RNF19B: variants seen among roughly 807,000 people sequenced by gnomAD.
RNF19B encodes the protein ring finger protein 19B.
In RNF19B, 23 loss-of-function variants were observed where a neutral mutation model predicts 65.5. That is an observed-to-expected ratio of 0.35 (90% CI 0.25 to 0.50). The LOEUF (loss-of-function observed/expected upper bound fraction) is 0.50. RNF19B is among the 20% of genes least tolerant of loss of function. The pLI, the probability that RNF19B is intolerant of heterozygous loss-of-function variation, is 0.98. For missense variants in RNF19B, 794 were observed against 980.0 expected (o/e 0.81, Z 2.53); for synonymous variants, 372 against 379.6 (o/e 0.98, Z 0.23).
At chr1:32,953,736 G>A (rs1255295176) in intron 1 of RNF19B, among the ~76,000 whole-genome samples, 7 of 151,850 alleles carry the variant, frequency 4.6e-5, no homozygotes, top group Non-Finnish European at 5.9e-5. Context: ...TTGTTATTTT[G>A]CATTAAATGG....
Position 32,945,551 on chromosome 1 carries a change from C to G in RNF19B, c.1224G>C (p.Ser408=). 1.9e-6 allele frequency: 3 copies of G among 1,613,690 alleles called. No individual in the cohort carries two copies. Among genetic ancestry groups the G allele is most frequent in the Non-Finnish European group, 1.7e-6 (2 of 1,179,648 alleles). Residue 408 remains serine, a synonymous_variant, in exon 5 of 9, where the codon TCG becomes TCC. Coordinates refer to ENST00000235150, the MANE Select transcript of RNF19B (RefSeq NM_001300826.2). The stretch of plus-strand genomic sequence containing the variant: ...CAGCAATAACTGGGGATGCAATGAC[C>G]GACAAAGTCACTCCTCCAGTGATAG... ...NLAITGGVTL[S]VIASPVIAAV...
downstream of RNF19B, among the ~76,000 whole-genome samples, chr1:32,933,602 G>T (rs917666922): frequency 7.2e-5 from 11 of 152,112 alleles, no homozygotes; most frequent in Non-Finnish European, 1.6e-4. Flanking sequence ...GCCTCTAGGT[G>T]GTGATGATGG....
intron 6 of RNF19B, 134 bp from the exon 7 acceptor site, chr1:32,942,593 T>C: frequency 1.6e-6 from 1 of 644,924 alleles, no homozygotes; most frequent in Non-Finnish European, 2.6e-6. Flanking sequence ...TCGCCACATA[T>C]CAGGTGTTTT....
chr1:32,935,218 A>G (rs896973730), downstream of RNF19B, among the ~76,000 whole-genome samples: 11 of 151,742 alleles, frequency 7.2e-5, no homozygotes, highest in African/African-American at 2.4e-4. Context: ...GCTCACTGCA[A>G]CCAGCACCTC....
intron 1 of RNF19B, among the ~76,000 whole-genome samples, chr1:32,960,237 A>G (rs1642738499): frequency 6.6e-6 from 1 of 152,208 alleles, no homozygotes; most frequent in South Asian, 2.1e-4. Context: ...ATGAGTAATT[A>G]TAGTAAAACT....
intron 1 of RNF19B, among the ~76,000 whole-genome samples, chr1:32,959,830 GAT>G (rs1642727353): frequency 6.8e-6 from 1 of 147,508 alleles, no homozygotes; most frequent in African/African-American, 2.5e-5. Context: ...GAGGTCAGGA[GAT>G]CGAGACCATC....
Position 32,964,068 on chromosome 1 carries a change from G to A in RNF19B, c.618C>T (p.Cys206=), listed in dbSNP as rs780331855. 1.3e-4 allele frequency: 203 copies of A among 1,516,312 alleles called. No homozygotes were observed. Among genetic ancestry groups the A allele is most frequent in the Non-Finnish European group, 1.7e-4 (197 of 1,132,794 alleles). 93.9% of individuals were successfully genotyped at this position (1,516,312 alleles called of 1,614,324 possible). ...GCGCTCACCCGCAGTCCGGGGCCGGGCACCAGCGGCAGTCGGGGTCCGAGG... is the reference window on the plus strand; with the variant it reads ...GCGCTCACCCGCAGTCCGGGGCCGGACACCAGCGGCAGTCGGGGTCCGAGG... ...YLASDPDCRW[C]PAPDCGYAVI... Residue 206 remains cysteine, a synonymous_variant, in exon 1 of 9, where the codon TGC becomes TGT. Transcript: ENST00000235150. This position sits in a 1 kb window ranked among gnomAD's most constrained non-coding sequence, Gnocchi z 6.5.
At chr1:32,963,663 A>T (rs1280649168) in intron 1 of RNF19B, among the ~76,000 whole-genome samples, 2 of 151,116 alleles carry the variant, frequency 1.3e-5, no homozygotes, top group African/African-American at 4.9e-5. Flanking sequence ...GGTTGCAGTG[A>T]GCCGAGATCG....
chr1:32,934,906 C>T (rs972761605), downstream of RNF19B, among the ~76,000 whole-genome samples: 17 of 151,990 alleles, frequency 1.1e-4, no homozygotes, highest in Admixed American at 6.6e-5. Context: ...GATCTCGGCT[C>T]ACTGCAACAT....
chr1:32,943,574 A>C (rs965640743), intron 6 of RNF19B, among the ~76,000 whole-genome samples: 3 of 151,894 alleles, frequency 2.0e-5, no homozygotes, highest in African/African-American at 7.3e-5. Flanking sequence ...CGAGATCGCG[A>C]CATCGTACTC....
Position 32,938,468 on chromosome 1 carries a change from AC to A in RNF19B, c.1670del (p.Gly557ValfsTer16). On this transcript the variant is annotated frameshift_variant, in exon 8 of 9. Transcript: ENST00000235150. LOFTEE classifies it high-confidence loss of function. ...GAGTGCTTGCGTTGTCACTAATTGC[AC>A]CAAGACTGGCTGTGTCTTTGGGGAA... is the stretch of plus-strand genomic sequence containing the variant. Reference protein sequence around the residue: ...EIFPKDTASLGAISDNASTRA... With the variant: ...EIFPKDTASLXAISDNASTRA... 6.2e-7 allele frequency: 1 copy of A among 1,614,162 alleles called. No individual in the cohort carries two copies. Among genetic ancestry groups the A allele is most frequent in the Non-Finnish European group, 8.5e-7 (1 of 1,180,018 alleles).
chr1:32,943,149 A>AAAAG (rs1553143931), intron 6 of RNF19B, among the ~76,000 whole-genome samples: 2 of 151,982 alleles, frequency 1.3e-5, no homozygotes, highest in African/African-American at 4.8e-5. Context: ...TCAAAAAAAA[A>AAAAG]AAAAGAAAAG....
chr1:32,936,744 A>G lies in RNF19B; in HGVS notation c.*62T>C. On this transcript the variant is annotated 3_prime_UTR_variant, in exon 9 of 9. Coordinates refer to ENST00000235150, the MANE Select transcript of RNF19B (RefSeq NM_001300826.2). ...ATCTCTACCCCTTGGAAAAAAAAAA[A>G]AAAAAATTCCAAAAGATGCAGTTAC... 1 of 1,436,964 alleles carries G rather than the reference A, an allele frequency of 7.0e-7. No homozygotes were observed. The highest frequency in any genetic ancestry group is 9.2e-7 in the Non-Finnish European group (1 of 1,086,538). 89.0% of individuals were successfully genotyped at this position (1,436,964 alleles called of 1,614,324 possible).
chr1:32,958,188 A>G (rs1205276606), intron 1 of RNF19B, among the ~76,000 whole-genome samples: 1 of 152,222 alleles, frequency 6.6e-6, no homozygotes, highest in Admixed American at 6.5e-5. Flanking sequence ...GAAAAAACAA[A>G]AACCTGTTTC....
Position 32,964,560 on chromosome 1 carries a change from C to G in RNF19B, c.126G>C (p.Ser42=). 7.4e-7 allele frequency: 1 copy of G among 1,342,500 alleles called. No individual in the cohort carries two copies. Among genetic ancestry groups the G allele is most frequent in the Non-Finnish European group, 9.6e-7 (1 of 1,040,638 alleles). 83.2% of individuals were successfully genotyped at this position (1,342,500 alleles called of 1,614,324 possible). The change falls in exon 1 of 9, where the codon TCG becomes TCC. Residue 42 remains serine (S), a synonymous_variant. Transcript: ENST00000235150. The surrounding 1 kb of genome is among the most constrained non-coding windows in gnomAD (Gnocchi z 6.5). Reference sequence around the variant, plus strand: ...TGGCCCGGGCGCGGCGGCCGCGGGCCGAGGCAGAGAAGACGCTGTGCAAGG... The same window carrying G: ...TGGCCCGGGCGCGGCGGCCGCGGGCGGAGGCAGAGAAGACGCTGTGCAAGG... ...RLTLHSVFSA[S]ARGRRARAKP... is the part of the protein sequence containing the mutation.
chr1:32,952,566 C>T (rs566801327), intron 1 of RNF19B, among the ~76,000 whole-genome samples: 15 of 151,288 alleles, frequency 9.9e-5, no homozygotes, highest in Non-Finnish European at 8.8e-5. Context: ...CATGGTGAAA[C>T]GCTGTCTCTA....
At chr1:32,943,654 T>C (rs185870484) in intron 6 of RNF19B, among the ~76,000 whole-genome samples, 2 of 152,036 alleles carry the variant, frequency 1.3e-5, no homozygotes, top group East Asian at 3.9e-4. Flanking sequence ...GGATAACAGC[T>C]CCATCCTCCC....
chr1:32,939,021 A>G (rs1381394900), intron 7 of RNF19B, among the ~76,000 whole-genome samples: 1 of 152,170 alleles, frequency 6.6e-6, no homozygotes, highest in Non-Finnish European at 1.5e-5. Flanking sequence ...TATACATTTT[A>G]TACTTCCATG....
chr1:32,943,994 T>C, intron 6 of RNF19B, 25 bp downstream of exon 6: 1 of 1,585,938 alleles, frequency 6.3e-7, no homozygotes, highest in East Asian at 2.3e-5. Context: ...TAAATTCAAA[T>C]GGAAATAAAC....
Sources: allele counts gnomAD v4.1 joint callset (sites outside exome capture counted in the v4.1 genomes callset), GRCh38; gene constraint gnomAD v4.1.1; non-coding constraint Gnocchi (gnomAD v3.1); transcripts MANE v1.5; gene names NCBI Gene and HGNC (gene_info 2026-07-23, HGNC 2026-07-21).